The following ZNF385D variants were observed in gnomAD, a reference collection of about 807,000 sequenced individuals.
ZNF385D encodes the protein zinc finger protein 385D.
A neutral mutation model predicts 35.8 loss-of-function variants in ZNF385D; 15 were observed. The observed-to-expected ratio is 0.42, with a 90% CI of 0.28 to 0.64. The LOEUF is 0.64. Ranked by LOEUF, ZNF385D falls within the 30% of genes least tolerant of loss-of-function variation. The pLI is 0.23. For missense variants in ZNF385D, 474 were observed against 494.6 expected (o/e 0.96, Z 0.39); for synonymous variants, 212 against 186.8 (o/e 1.13, Z -1.10).
Position 21,510,914 on chromosome 3 carries a change from G to T in ZNF385D, c.386C>A (p.Thr129Asn). 1.2e-6 allele frequency: 2 copies of T among 1,614,136 alleles called. No homozygotes were observed. Among genetic ancestry groups the T allele is most frequent in the South Asian group, 1.1e-5 (1 of 91,088 alleles). The change falls in exon 4 of 8, where the codon ACT becomes AAT. Residue 129 changes from threonine (T) to asparagine (N), a missense_variant. Coordinates refer to ENST00000281523, the MANE Select transcript of ZNF385D (RefSeq NM_024697.3). Reference sequence around the variant, plus strand: ...ATTGGTAGTGATGGAGGTGAAGGTAGTCTTTGCGCTGTCCTTGGCAGTTAC... The same window carrying T: ...ATTGGTAGTGATGGAGGTGAAGGTATTCTTTGCGCTGTCCTTGGCAGTTAC... ...KSVTAKDSAK[T>N]TFTSITTNTI...
chr3:21,442,128 A>G (rs748417727), intron 4 of ZNF385D, among the ~76,000 whole-genome samples: 5 of 152,216 alleles, frequency 3.3e-5, no homozygotes, highest in Non-Finnish European at 7.3e-5. Flanking sequence ...AAAAAAATCC[A>G]TAAAGCATAA....
intron 2 of ZNF385D, among the ~76,000 whole-genome samples, chr3:22,182,093 A>C (rs997305479): frequency 5.9e-5 from 9 of 152,196 alleles, no homozygotes; most frequent in African/African-American, 9.7e-5. Context: ...CTGGTTAGGC[A>C]ATGTGTGGAC....
intron 4 of ZNF385D, chr3:21,443,047 T>G: frequency 1.2e-6 from 1 of 851,718 alleles, no homozygotes; most frequent in African/African-American, 1.8e-5. Context: ...CCCCCTGCTC[T>G]GAATTCCTCA....
chr3:22,213,125 A>G (rs1697633676), intron 2 of ZNF385D, among the ~76,000 whole-genome samples: 1 of 152,074 alleles, frequency 6.6e-6, no homozygotes, highest in Non-Finnish European at 1.5e-5. Context: ...AAGAACAGAC[A>G]TAATTATTAG....
At chr3:21,908,310 T>A (rs1386334864) in intron 3 of ZNF385D, among the ~76,000 whole-genome samples, 2 of 151,936 alleles carry the variant, frequency 1.3e-5, no homozygotes, top group Non-Finnish European at 2.9e-5. Flanking sequence ...CAAAGCTGCA[T>A]GGGAAATAGA....
chr3:22,271,789 T>G (rs1351089787), intron 2 of ZNF385D, among the ~76,000 whole-genome samples: 2 of 152,014 alleles, frequency 1.3e-5, no homozygotes, highest in East Asian at 3.9e-4. Context: ...AGTTAGCCTT[T>G]TTATAAGTTC....
intron 2 of ZNF385D, among the ~76,000 whole-genome samples, chr3:22,210,135 G>A (rs1192225735): frequency 6.6e-6 from 1 of 151,806 alleles, no homozygotes; most frequent in Admixed American, 6.6e-5. Context: ...TGTGTGGAAG[G>A]CAAGTGAAAG....
At chr3:22,246,206 T>A (rs1699770031) in intron 2 of ZNF385D, among the ~76,000 whole-genome samples, 1 of 152,096 alleles carries the variant, frequency 6.6e-6, no homozygotes, top group Non-Finnish European at 1.5e-5. Flanking sequence ...AACATAACTG[T>A]CTTTCTCCAG....
rs148651291 is a variant in ZNF385D at position 21,668,042 on chromosome 3, ATG to A, written c.23-3016_23-3015del. Among the ~76,000 whole-genome samples, 1,515 of 152,304 alleles carry A rather than the reference ATG, an allele frequency of 9.9e-3. 33 individuals are homozygous for A. Among genetic ancestry groups the A allele is most frequent in the African/African-American group, 0.033 (1,362 of 41,572 alleles). On this transcript the variant is annotated intron_variant, in intron 1 of 7. Transcript: ENST00000281523. ...ATAAGATTGTAGGAAAGCAGAGGAC[ATG>A]TGTCTACATATTTTTAGACTATCTG...
intron 4 of ZNF385D, among the ~76,000 whole-genome samples, chr3:21,474,829 T>G (rs1274525471): frequency 6.6e-6 from 1 of 152,130 alleles, no homozygotes; most frequent in Non-Finnish European, 1.5e-5. Flanking sequence ...AGTGATAAAT[T>G]CCTCATATTA....
intron 3 of ZNF385D, among the ~76,000 whole-genome samples, chr3:22,157,137 T>C (rs116647664): frequency 0.014 from 2,194 of 152,232 alleles, 54 homozygotes; most frequent in African/African-American, 0.05. Flanking sequence ...TGGAACCAGC[T>C]TGCCAGGCTC....
intron 3 of ZNF385D, among the ~76,000 whole-genome samples, chr3:22,059,601 T>C (rs1320681310): frequency 6.6e-6 from 1 of 152,198 alleles, no homozygotes; most frequent in Admixed American, 6.5e-5. Context: ...TCTGGAAACA[T>C]TCCCTTAAGA....
intron 4 of ZNF385D, among the ~76,000 whole-genome samples, chr3:21,454,999 A>C (rs1702703279): frequency 1.3e-5 from 2 of 152,286 alleles, no homozygotes; most frequent in South Asian, 4.2e-4. Context: ...CTTCAAAGAG[A>C]ATAAAATACC....
At chr3:22,143,116 T>C (rs907679787) in intron 3 of ZNF385D, among the ~76,000 whole-genome samples, 1 of 150,186 alleles carries the variant, frequency 6.7e-6, no homozygotes, top group Admixed American at 6.6e-5. Flanking sequence ...GGAGTCTCAC[T>C]CTGTCGCCCA....
rs1297579109 is a variant in ZNF385D, at chr3:21,421,206, T to C, written c.*8A>G. 1 of 1,610,914 alleles carries C rather than the reference T, an allele frequency of 6.2e-7. No homozygotes were observed. Among genetic ancestry groups the C allele is most frequent in the South Asian group, 1.1e-5 (1 of 90,992 alleles). On this transcript the variant is annotated 3_prime_UTR_variant, in exon 8 of 8. Coordinates refer to ENST00000281523, the MANE Select transcript of ZNF385D (RefSeq NM_024697.3). The stretch of plus-strand genomic sequence containing the variant: ...AATTATTGCAGTACAATTACTCCTA[T>C]TTGGAATTTAGTAAGGAGCAAACAG...
At chr3:21,612,661 G>C (rs959252170) in intron 2 of ZNF385D, among the ~76,000 whole-genome samples, 1 of 152,202 alleles carries the variant, frequency 6.6e-6, no homozygotes, top group Non-Finnish European at 1.5e-5. Context: ...ACAGCATTTT[G>C]AAAGAGAAAC....
intron 3 of ZNF385D, among the ~76,000 whole-genome samples, chr3:21,870,554 G>A (rs1017926840): frequency 6.6e-6 from 1 of 152,120 alleles, no homozygotes; most frequent in Non-Finnish European, 1.5e-5. Context: ...TAAAATACAA[G>A]CTGAGATTCA....
chr3:22,013,630 C>A (rs879274163), intron 3 of ZNF385D, among the ~76,000 whole-genome samples: 2 of 152,064 alleles, frequency 1.3e-5, no homozygotes, highest in Non-Finnish European at 2.9e-5. Context: ...TAGGTAGAAA[C>A]TTAATTAAGA....
At chr3:22,317,002 G>A (rs1007081416) in intron 2 of ZNF385D, among the ~76,000 whole-genome samples, 1 of 151,910 alleles carries the variant, frequency 6.6e-6, no homozygotes, top group African/African-American at 2.4e-5. Flanking sequence ...TGTCGGTGGG[G>A]AGCAGTGACT....
Sources: allele counts gnomAD v4.1 joint callset (sites outside exome capture counted in the v4.1 genomes callset), GRCh38; gene constraint gnomAD v4.1.1; transcripts MANE v1.5; gene names NCBI Gene and HGNC (gene_info 2026-07-23, HGNC 2026-07-21).